The following STK32B variants were observed in gnomAD, a reference collection of about 807,000 sequenced individuals.
STK32B encodes the protein serine/threonine kinase 32B, also known as serine/threonine-protein kinase 32B.
A neutral mutation model predicts 52.6 loss-of-function variants in STK32B; 43 were observed. The observed-to-expected ratio is 0.82, with a 90% confidence interval of 0.64 to 1.05. The LOEUF (loss-of-function observed/expected upper bound fraction) is 1.05, where lower values mean the gene tolerates loss of function less well. Ranked by LOEUF, STK32B falls within the 50% of genes least tolerant of loss-of-function variation. The probability of loss-of-function intolerance (pLI) is 0.00; values close to 1 mark genes in which losing one functional copy is unlikely to be tolerated. For synonymous variants in STK32B, 238 were observed against 204.3 expected (o/e 1.17, Z -1.41); for missense variants, 621 against 534.6 (o/e 1.16, Z -1.59).
chr4:5,197,256 G>A (rs1057152026), intron 3 of STK32B, among the ~76,000 whole-genome samples: 3 of 152,216 alleles, frequency 2.0e-5, no homozygotes, highest in East Asian at 3.9e-4. Flanking sequence ...GGAGCTGGTA[G>A]GAGGTGCCCA....
chr4:5,313,817 A>G (rs935862154), intron 3 of STK32B, among the ~76,000 whole-genome samples: 3 of 152,142 alleles, frequency 2.0e-5, no homozygotes, highest in Non-Finnish European at 4.4e-5. Flanking sequence ...GGAAAGCAAC[A>G]ATTTAGAAAT....
At chr4:5,125,690 C>T (rs893273755) in intron 1 of STK32B, among the ~76,000 whole-genome samples, 2 of 152,182 alleles carry the variant, frequency 1.3e-5, no homozygotes, top group African/African-American at 4.8e-5. Flanking sequence ...CCTCTCTACT[C>T]TCATCCCCGC....
At chr4:5,268,212 C>G (rs553628312) in intron 3 of STK32B, among the ~76,000 whole-genome samples, 1 of 152,106 alleles carries the variant, frequency 6.6e-6, no homozygotes, top group African/African-American at 2.4e-5. Flanking sequence ...TACCACACTC[C>G]GCTGCATACC....
At chr4:5,375,402 A>C (rs1263286031) in intron 4 of STK32B, among the ~76,000 whole-genome samples, 3 of 151,988 alleles carry the variant, frequency 2.0e-5, no homozygotes, top group Non-Finnish European at 4.4e-5. Flanking sequence ...TTGTTGATAA[A>C]TCTGCTATTT....
At chr4:5,300,676 A>G (rs1729496406) in intron 3 of STK32B, among the ~76,000 whole-genome samples, 1 of 152,166 alleles carries the variant, frequency 6.6e-6, no homozygotes, top group South Asian at 2.1e-4. Context: ...CAAGAATGCA[A>G]TTTCATTTAC....
At chr4:5,070,916 A>C (rs1454778589) in intron 1 of STK32B, among the ~76,000 whole-genome samples, 1 of 152,172 alleles carries the variant, frequency 6.6e-6, no homozygotes, top group Admixed American at 6.5e-5. Context: ...GTTCCTAGGC[A>C]TGAAAATGGA....
Position 5,460,260 on chromosome 4 carries a change from C to T in STK32B, c.909+32C>T, listed in dbSNP as rs370951733. ...GGAAGTCCCACCTGATGTCATGCCA[C>T]CCCTCTGCAGGGTCCCCGCCTTGGT... On this transcript the variant is annotated intron_variant, in intron 9 of 11. Coordinates refer to ENST00000282908, the MANE Select transcript of STK32B (RefSeq NM_018401.3). This position sits in a 1 kb window ranked among gnomAD's most constrained non-coding sequence, Gnocchi z 4.8. The T allele has an allele frequency of 1.3e-5, 20 of 1,592,716 alleles. No individual in the cohort carries two copies. Among genetic ancestry groups the T allele is most frequent in the Non-Finnish European group, 1.5e-5 (18 of 1,169,332 alleles).
intron 4 of STK32B, 118 bp downstream of exon 4, chr4:5,331,511 C>A: frequency 2.7e-6 from 3 of 1,092,288 alleles, no homozygotes; most frequent in Admixed American, 2.9e-5. Flanking sequence ...AGTGGTAGTG[C>A]ATGAGGGAAA....
intron 3 of STK32B, among the ~76,000 whole-genome samples, chr4:5,321,564 C>T (rs1731491275): frequency 6.6e-6 from 1 of 152,168 alleles, no homozygotes; most frequent in Non-Finnish European, 1.5e-5. Flanking sequence ...GTGTGCCTCT[C>T]CTTCGTTGTA....
In STK32B at chr4:5,395,148, G is replaced by C. The variant is rs1382787633; in HGVS notation, c.435-3059G>C. On this transcript the variant is annotated intron_variant, in intron 4 of 11. Coordinates refer to ENST00000282908, the MANE Select transcript of STK32B (RefSeq NM_018401.3). This position sits in a 1 kb window ranked among gnomAD's most constrained non-coding sequence, Gnocchi z 4.4. ...CCCAGGGACAGCTACATTCCCCACC[G>C]TGTGGCTGGCTCCACACAGCAGCTC... Among the ~76,000 whole-genome samples the C allele has an allele frequency of 6.6e-6, 1 of 152,116 alleles. No homozygotes were observed. Among genetic ancestry groups the C allele is most frequent in the Non-Finnish European group, 1.5e-5 (1 of 68,020 alleles).
chr4:5,299,631 A>G (rs979619012), intron 3 of STK32B, among the ~76,000 whole-genome samples: 2 of 152,014 alleles, frequency 1.3e-5, no homozygotes, highest in African/African-American at 4.8e-5. Flanking sequence ...GTACATGTCT[A>G]TTTTTGTACC....
intron 1 of STK32B, among the ~76,000 whole-genome samples, chr4:5,064,897 T>C (rs986149677): frequency 1.3e-5 from 2 of 148,698 alleles, no homozygotes; most frequent in African/African-American, 2.5e-5. Flanking sequence ...AAGAAAACCT[T>C]CTCCTCCTTA....
chr4:5,019,584 C>G, the STK32B span: 1 of 913,294 alleles, frequency 1.1e-6, no homozygotes, highest in Non-Finnish European at 1.5e-6. Flanking sequence ...GAAGCCAGCA[C>G]GCCCACCGGG....
At position 5,264,802 on chromosome 4, in the gene STK32B, T is replaced by C. The variant is rs1176611599; in HGVS notation, c.261-66418T>C. On this transcript the variant is annotated intron_variant, in intron 3 of 11. Coordinates refer to ENST00000282908, the MANE Select transcript of STK32B (RefSeq NM_018401.3). Reference sequence around the variant, plus strand: ...ACTCCATCTCAAACAAAAAAAAAAATTGTTGTGTTATACAAGTCCTTTATA... The same window carrying C: ...ACTCCATCTCAAACAAAAAAAAAAACTGTTGTGTTATACAAGTCCTTTATA... Among the ~76,000 whole-genome samples, 3 of 151,570 alleles carry C rather than the reference T, an allele frequency of 2.0e-5. 1 individual carries two copies. The highest frequency in any genetic ancestry group is 6.6e-5 in the Admixed American group (1 of 15,202).
chr4:5,300,358 C>G (rs1234574965), intron 3 of STK32B, among the ~76,000 whole-genome samples: 5 of 152,138 alleles, frequency 3.3e-5, no homozygotes, highest in African/African-American at 1.2e-4. Context: ...AGCATGCCTC[C>G]TATGAACTGG....
chr4:5,143,123 CTGT>C (rs1716622653), intron 2 of STK32B, among the ~76,000 whole-genome samples: 1 of 149,732 alleles, frequency 6.7e-6, no homozygotes, highest in African/African-American at 2.4e-5. Context: ...GTCTGTCTGT[CTGT>C]CTGTCTATCT....
chr4:5,359,735 C>A (rs369076845), intron 4 of STK32B, among the ~76,000 whole-genome samples: 1 of 152,034 alleles, frequency 6.6e-6, no homozygotes, highest in African/African-American at 2.4e-5. Context: ...CATTTCCAGG[C>A]GGAGGTATGG....
intron 3 of STK32B, among the ~76,000 whole-genome samples, chr4:5,319,554 A>ACC (rs1432013040): frequency 1.4e-5 from 2 of 140,948 alleles, no homozygotes; most frequent in Non-Finnish European, 3.0e-5. Context: ...CTCCCATCTT[A>ACC]CCCCTCTCCA....
chr4:5,140,078 A>G lies in STK32B; in HGVS notation c.108+118A>G, dbSNP rs1339362373. The G allele has an allele frequency of 3.4e-6, 5 of 1,491,202 alleles. No homozygotes were observed. The African/African-American group carries it at 5.5e-5, about 17-fold the overall frequency. 92.4% of individuals were successfully genotyped at this position (1,491,202 alleles called of 1,614,324 possible). A position where few individuals can be genotyped will look rare whatever the true frequency, so the allele number is the denominator to read the frequency against. On this transcript the variant is annotated intron_variant, in intron 2 of 11. Coordinates refer to ENST00000282908, the MANE Select transcript of STK32B (RefSeq NM_018401.3). The stretch of plus-strand genomic sequence containing the variant: ...TTGACAGTAAGATTTCGACTTGACA[A>G]ACTTGAAATGTGAAAGGAAGTCTGA...
Sources: allele counts gnomAD v4.1 joint callset (sites outside exome capture counted in the v4.1 genomes callset), GRCh38; gene constraint gnomAD v4.1.1; non-coding constraint Gnocchi (gnomAD v3.1); transcripts MANE v1.5; gene names NCBI Gene and HGNC (gene_info 2026-07-23, HGNC 2026-07-21).